NSD2: variants seen among roughly 807,000 people sequenced by gnomAD.
The protein encoded by NSD2 is histone-lysine N-methyltransferase NSD2.
In NSD2, 12 loss-of-function variants were observed where a neutral mutation model predicts 139.0. That is an observed-to-expected ratio of 0.09 (90% CI 0.06 to 0.14). The LOEUF is 0.14. Among genes scored for constraint, NSD2 ranks in the 10% least tolerant of loss-of-function variants. The pLI is 1.00. For synonymous variants in NSD2, 669 were observed against 648.7 expected, an observed-to-expected ratio of 1.03 and a Z score of -0.48; for missense variants, 1,155 against 1,745.0, an observed-to-expected ratio of 0.66 and a Z score of 6.02.
chr4:1,878,251 ATTTTTTTTTTTTTTTTTTTTTTT>A (rs71589624), intron 1 of NSD2, among the ~76,000 whole-genome samples: 3 of 29,314 alleles, frequency 1.0e-4, no homozygotes, highest in African/African-American at 4.4e-4. Context: ...ATATATATAT[ATTTTTTTTTTTTTTTTTTTTTTT>A]TTTTTTTTTT....
intron 18 of NSD2, among the ~76,000 whole-genome samples, chr4:1,962,662 C>T (rs1725486216): frequency 6.6e-6 from 1 of 151,994 alleles, no homozygotes; most frequent in African/African-American, 2.4e-5. Context: ...AATTTTTTTA[C>T]TCCTAGGTTT....
intron 7 of NSD2, among the ~76,000 whole-genome samples, chr4:1,936,667 CAAAAA>C (rs879590049): frequency 5.7e-5 from 3 of 52,492 alleles, no homozygotes; most frequent in Admixed American, 2.0e-4. Context: ...GACTCCATCT[CAAAAA>C]AAAAAAAAAA....
chr4:1,980,435 AG>A lies in NSD2; in HGVS notation c.*1531del. 4.3e-6 allele frequency: 1 copy of A among 233,136 alleles called. No individual in the cohort carries two copies. The highest frequency in any genetic ancestry group is 8.5e-6 in the Non-Finnish European group (1 of 117,988). 14.4% of individuals were successfully genotyped at this position (233,136 alleles called of 1,614,324 possible). A position where few individuals can be genotyped will look rare whatever the true frequency, so the allele number is the denominator to read the frequency against. On this transcript the variant is annotated 3_prime_UTR_variant, in exon 22 of 22. Transcript: ENST00000508803. ...TATGGCCTTTTCTTAAAATAACCTA[AG>A]GGGGACACATCCATCTTGCAGAGAA... is the stretch of plus-strand genomic sequence containing the variant.
intron 1 of NSD2, among the ~76,000 whole-genome samples, chr4:1,898,326 A>G (rs982353699): frequency 6.6e-5 from 10 of 152,098 alleles, no homozygotes; most frequent in Non-Finnish European, 1.5e-4. Context: ...GACTTGAGTG[A>G]TCCTCCTGCC....
At chr4:1,970,384 G>A (rs1391349131) in intron 18 of NSD2, among the ~76,000 whole-genome samples, 1 of 152,226 alleles carries the variant, frequency 6.6e-6, no homozygotes, top group Non-Finnish European at 1.5e-5. Flanking sequence ...CTACAGAGAT[G>A]CAGGTTGGAG....
chr4:1,950,119 C>A (rs1264250813), intron 9 of NSD2, among the ~76,000 whole-genome samples: 1 of 152,160 alleles, frequency 6.6e-6, no homozygotes, highest in East Asian at 1.9e-4. Flanking sequence ...CAAATAAAAA[C>A]CAAATTTTTT....
At chr4:1,938,396 CTTTTCTTTTTTTTTTCTTTCTT>C in intron 7 of NSD2, 33 bp from the exon 8 acceptor site, 1 of 988,380 alleles carries the variant, frequency 1.0e-6, no homozygotes, top group Non-Finnish European at 1.2e-6. Context: ...TCCTTTTTTT[CTTTTCTTTTTTTTTTCTTTCTT>C]TTTTTTTTTT....
chr4:1,953,636 T>C (rs1724510811), intron 12 of NSD2, 112 bp downstream of exon 12: 33 of 1,338,672 alleles, frequency 2.5e-5, no homozygotes, highest in Non-Finnish European at 3.1e-5. Context: ...GCATTAATTA[T>C]CTTGAGTGAC....
intron 9 of NSD2, chr4:1,943,075 C>G: frequency 4.8e-6 from 5 of 1,049,768 alleles, no homozygotes; most frequent in Non-Finnish European, 5.8e-6. Flanking sequence ...GTACACCAAC[C>G]TCTGCATCAG....
chr4:1,873,686 C>G (rs1337998312), intron 1 of NSD2, among the ~76,000 whole-genome samples: 1 of 152,196 alleles, frequency 6.6e-6, no homozygotes, highest in African/African-American at 2.4e-5. Flanking sequence ...AGTTTACTCA[C>G]ATGGCAGAAT....
At chr4:1,970,457 C>G (rs572441287) in intron 18 of NSD2, among the ~76,000 whole-genome samples, 2 of 152,150 alleles carry the variant, frequency 1.3e-5, no homozygotes, top group Non-Finnish European at 2.9e-5. Flanking sequence ...CTCCAGGCCT[C>G]CAGCAGAATC....
At chr4:1,901,671 T>C (rs2108748849) in intron 2 of NSD2, among the ~76,000 whole-genome samples, 1 of 152,290 alleles carries the variant, frequency 6.6e-6, no homozygotes, top group Admixed American at 6.5e-5. Flanking sequence ...GTGTGACTTC[T>C]TAAGTCTGCA....
chr4:1,893,560 G>A (rs202034076), intron 1 of NSD2, among the ~76,000 whole-genome samples: 1 of 64,816 alleles, frequency 1.5e-5, no homozygotes, highest in African/African-American at 5.6e-5. Flanking sequence ...TTTTTTTTTT[G>A]TTTTGTTTTG....
At chr4:1,925,454 G>A (rs1381061325) in intron 5 of NSD2, among the ~76,000 whole-genome samples, 3 of 119,382 alleles carry the variant, frequency 2.5e-5, no homozygotes, top group African/African-American at 6.5e-5. Flanking sequence ...GCTGGAGTGC[G>A]AAGGCGCCAC....
At chr4:1,879,732 C>T (rs1029621661) in intron 1 of NSD2, among the ~76,000 whole-genome samples, 1 of 151,760 alleles carries the variant, frequency 6.6e-6, no homozygotes, top group African/African-American at 2.4e-5. Flanking sequence ...TTTTGTGTTG[C>T]TGTGGTGGTT....
chr4:1,920,079 A>T (rs182644456), intron 5 of NSD2, among the ~76,000 whole-genome samples: 3 of 152,340 alleles, frequency 2.0e-5, no homozygotes, highest in Non-Finnish European at 4.4e-5. Flanking sequence ...TGAGTATTCT[A>T]ATAAATCTAC....
chr4:1,919,856 A>T (rs1293267440), intron 5 of NSD2, among the ~76,000 whole-genome samples: 2 of 152,040 alleles, frequency 1.3e-5, no homozygotes, highest in Non-Finnish European at 2.9e-5. Context: ...AAATTGCTTG[A>T]ACCAGGGAGT....
rs140806595 is a variant in NSD2 at position 1,907,993 on chromosome 4, C to T, written c.760+3615C>T. On this transcript the variant is annotated intron_variant, in intron 3 of 21. Transcript: ENST00000508803. ...AGAACAAGGACAGTTTCCTTATTGA[C>T]TCAGCACCAGCCGCATTTCGGGAAA... Among the ~76,000 whole-genome samples, 824 of 152,272 alleles carry T rather than the reference C, an allele frequency of 5.4e-3. 4 individuals carry two copies. Among genetic ancestry groups the T allele is most frequent in the African/African-American group, 0.019 (793 of 41,550 alleles).
chr4:1,877,116 G>T (rs1331558470), intron 1 of NSD2, among the ~76,000 whole-genome samples: 2 of 151,802 alleles, frequency 1.3e-5, no homozygotes, highest in Non-Finnish European at 2.9e-5. Context: ...CAGCCTGGGC[G>T]ACAGGACGAG....
Sources: gnomAD v4.1 joint callset for allele counts (sites outside exome capture counted in the v4.1 genomes callset) on GRCh38, gnomAD v4.1.1 for gene constraint, MANE v1.5 for transcripts, NCBI Gene and HGNC (gene_info 2026-07-23, HGNC 2026-07-21) for gene names.